Variants in COX4I1 observed in about 807,000 individuals in gnomAD.
COX4I1 encodes the protein cytochrome c oxidase subunit 4 isoform 1, mitochondrial.
Under a neutral mutation model 21.7 loss-of-function variants are expected in COX4I1, and 18 were observed. The observed-to-expected ratio is 0.83, with a 90% CI of 0.57 to 1.23. COX4I1 has a LOEUF of 1.23. Ranked by LOEUF, COX4I1 falls within the 50% of genes most tolerant of loss-of-function variation. COX4I1 has a pLI of 0.00. For synonymous variants in COX4I1, 100 were observed against 81.5 expected (o/e 1.23, Z -1.23); for missense variants, 238 against 220.7 (o/e 1.08, Z -0.50).
intron 3 of COX4I1, 31 bp downstream of exon 3, chr16:85,805,135 C>T (rs1906089073): frequency 6.3e-7 from 1 of 1,592,872 alleles, no homozygotes. Context: ...CAGGCGCGCC[C>T]AGCAGCTCTC....
At chr16:85,803,724 T>C (rs1013968527) in intron 2 of COX4I1, 1 of 152,276 alleles carries the variant, frequency 6.6e-6, no homozygotes, top group Non-Finnish European at 1.5e-5. Flanking sequence ...TTGTCTGTTT[T>C]GTGCGTTTCG....
intron 1 of COX4I1, 68 bp from the exon 2 acceptor site, chr16:85,801,137 C>CA: frequency 1.5e-6 from 2 of 1,377,106 alleles, no homozygotes; most frequent in Admixed American, 3.6e-5. Flanking sequence ...TGCTCTGGGG[C>CA]AAAAAGAAGA....
chr16:85,800,323 G>T (rs1481897977), intron 1 of COX4I1, among the ~76,000 whole-genome samples: 2 of 152,234 alleles, frequency 1.3e-5, no homozygotes, highest in African/African-American at 4.8e-5. Flanking sequence ...AGGGGGCCGT[G>T]TAAGGTTGAT....
chr16:85,806,466 G>A (rs1237915532), intron 4 of COX4I1: 4 of 704,398 alleles, frequency 5.7e-6, no homozygotes, highest in Non-Finnish European at 1.0e-5. Flanking sequence ...GTCACCTTGG[G>A]CTCTGTTTGT....
chr16:85,806,979 A>G lies in COX4I1; in HGVS notation c.*105A>G. 8.1e-7 allele frequency: 1 copy of G among 1,236,982 alleles called. No individual in the cohort carries two copies. 76.6% of individuals were successfully genotyped at this position (1,236,982 alleles called of 1,614,324 possible). A position where few individuals can be genotyped will look rare whatever the true frequency, so the allele number is the denominator to read the frequency against. ...TATGCCAAACAGTTGTACCACTGCT[A>G]ATAAATGACCAGTTTACCTGAAACC... On this transcript the variant is annotated 3_prime_UTR_variant, in exon 5 of 5. Transcript: ENST00000253452.
At chr16:85,806,418 T>G (rs879406665) in intron 4 of COX4I1, 5 of 560,738 alleles carry the variant, frequency 8.9e-6, no homozygotes, top group Middle Eastern at 2.4e-4. Context: ...AATGTGGATG[T>G]GGGTTAATAA....
chr16:85,804,897 T>G (rs2599090), intron 2 of COX4I1, 40 bp from the exon 3 acceptor site: 1 of 1,570,226 alleles, frequency 6.4e-7, no homozygotes, highest in African/African-American at 1.4e-5. Context: ...GACTCTCAAC[T>G]TACATGGATT....
At chr16:85,800,474 T>G (rs1401950731) in intron 1 of COX4I1, among the ~76,000 whole-genome samples, 1 of 152,154 alleles carries the variant, frequency 6.6e-6, no homozygotes, top group East Asian at 1.9e-4. Context: ...GTATTAGGTT[T>G]TAAACACTCA....
intron 2 of COX4I1, 91 bp from the exon 3 acceptor site, chr16:85,804,846 A>G: frequency 8.5e-7 from 1 of 1,179,702 alleles, no homozygotes; most frequent in Non-Finnish European, 1.2e-6. Context: ...CAAGGCGTGC[A>G]CATGTCTGTG....
In COX4I1 at chr16:85,801,238, C is replaced by T; in HGVS notation, c.33C>T (p.Gly11=). ...CTACCAGGGTATTTAGCCTAGTTGG[C>T]AAGCGAGCAATTTCCACCTCTGTGT... is the stretch of plus-strand genomic sequence containing the variant. MLATRVFSLV[G]KRAISTSVCV... is the part of the protein sequence containing the mutation. Residue 11 remains glycine (G), a synonymous_variant, in exon 2 of 5, where the codon GGC becomes GGT. Coordinates refer to ENST00000253452, the MANE Select transcript of COX4I1 (RefSeq NM_001861.6). The T allele has an allele frequency of 1.2e-6, 2 of 1,610,044 alleles. No individual in the cohort carries two copies. Among genetic ancestry groups the T allele is most frequent in the Non-Finnish European group, 8.5e-7 (1 of 1,176,568 alleles).
At chr16:85,802,772 C>G (rs1039833924) in intron 2 of COX4I1, among the ~76,000 whole-genome samples, 25 of 152,154 alleles carry the variant, frequency 1.6e-4, no homozygotes, top group Admixed American at 9.8e-4. Context: ...GGTATATTAA[C>G]CATTGATTTT....
At chr16:85,800,132 C>T (rs1905577269) in intron 1 of COX4I1, among the ~76,000 whole-genome samples, 1 of 152,162 alleles carries the variant, frequency 6.6e-6, no homozygotes, top group Non-Finnish European at 1.5e-5. Flanking sequence ...TTTTGCGGGG[C>T]TCCCGGGCGG....
intron 4 of COX4I1, chr16:85,806,402 G>C: frequency 6.0e-6 from 4 of 663,576 alleles, no homozygotes; most frequent in South Asian, 4.6e-5. Context: ...TCGTACTTTT[G>C]GTTTGAATGT....
At chr16:85,806,215 T>G in intron 4 of COX4I1, 1 of 589,678 alleles carries the variant, frequency 1.7e-6, no homozygotes, top group East Asian at 2.8e-5. Context: ...ACTCATTCAT[T>G]GAATGACTGT....
At position 85,807,015 on chromosome 16, in the gene COX4I1, A is replaced by G; in HGVS notation, c.*141A>G. On this transcript the variant is annotated 3_prime_UTR_variant, in exon 5 of 5. Transcript: ENST00000253452. The stretch of plus-strand genomic sequence containing the variant: ...AGTTTACCTGAAACCCTTTGTGATC[A>G]GTTCTTTAATGATACCTAAATGAAA... The G allele has an allele frequency of 2.4e-6, 2 of 830,558 alleles. No homozygotes were observed. The highest frequency in any genetic ancestry group is 3.7e-6 in the Non-Finnish European group (2 of 541,420). 51.4% of individuals were successfully genotyped at this position (830,558 alleles called of 1,614,324 possible). A position where few individuals can be genotyped will look rare whatever the true frequency, so the allele number is the denominator to read the frequency against.
At position 85,799,997 on chromosome 16, in the gene COX4I1, C is replaced by T. The variant is rs1292711282; in HGVS notation, c.-2+245C>T. The T allele has an allele frequency of 2.0e-5, 3 of 152,248 alleles. No individual in the cohort carries two copies. Among genetic ancestry groups the T allele is most frequent in the African/African-American group, 7.2e-5 (3 of 41,472 alleles). The allele number at this position is 152,248 out of a possible 1,614,324, so 9.4% of individuals were successfully genotyped here. On this transcript the variant is annotated intron_variant, in intron 1 of 4. Coordinates refer to ENST00000253452, the MANE Select transcript of COX4I1 (RefSeq NM_001861.6). This position sits in a 1 kb window ranked among gnomAD's most constrained non-coding sequence, Gnocchi z 4.2. ...GGTCTCGCAGCGGCTGCGGACCGGC[C>T]TCGGGCACTGACCTTGGAGCGCCCG...
chr16:85,802,645 A>T (rs1431598191), intron 2 of COX4I1, among the ~76,000 whole-genome samples: 1 of 152,250 alleles, frequency 6.6e-6, no homozygotes, highest in Non-Finnish European at 1.5e-5. Context: ...AGGGGTGCCC[A>T]GATATACCAG....
At position 85,806,782 on chromosome 16, in the gene COX4I1, A is replaced by C. The variant is rs747683244; in HGVS notation, c.418A>C (p.Lys140Gln). The change falls in exon 5 of 5, where the codon AAG (lysine) becomes CAG (glutamine). Residue 140 changes from lysine (K) to glutamine (Q), a missense_variant. Physicochemically the swap from Lys to Gln is moderately conservative, Grantham distance 53 (BLOSUM62 1). Coordinates refer to ENST00000253452, the MANE Select transcript of COX4I1 (RefSeq NM_001861.6). ...AAGCTTTGACAAAGAGTGGGTGGCCAAGCAGACCAAGAGGATGCTGGACAT... is the reference window on the plus strand; with the variant it reads ...AAGCTTTGACAAAGAGTGGGTGGCCCAGCAGACCAAGAGGATGCTGGACAT... ...PQSFDKEWVA[K>Q]QTKRMLDMKV... 6.2e-7 allele frequency: 1 copy of C among 1,614,180 alleles called. No homozygotes were observed. Among genetic ancestry groups the C allele is most frequent in the Admixed American group, 1.7e-5 (1 of 60,020 alleles).
At chr16:85,805,570 T>G in intron 3 of COX4I1, 163 bp from the exon 4 acceptor site, 1 of 965,540 alleles carries the variant, frequency 1.0e-6, no homozygotes, top group East Asian at 2.6e-5. Flanking sequence ...TGGGCACGTG[T>G]GTGCACGTAC....
Sources: allele counts gnomAD v4.1 joint callset (sites outside exome capture counted in the v4.1 genomes callset), GRCh38; gene constraint gnomAD v4.1.1; non-coding constraint Gnocchi (gnomAD v3.1); transcripts MANE v1.5; gene names NCBI Gene and HGNC (gene_info 2026-07-23, HGNC 2026-07-21).